The following FGF1 variants were observed in gnomAD, a reference collection of about 807,000 sequenced individuals.
FGF1 encodes the protein fibroblast growth factor 1.
FGF1 carries 9 observed loss-of-function variants against 13.4 expected under a neutral mutation model. That is an observed-to-expected ratio of 0.67 (90% CI 0.40 to 1.17). The LOEUF is 1.17. Among genes scored for constraint, FGF1 ranks in the 50% most tolerant of loss-of-function variants. The pLI is 0.01. For missense variants in FGF1, 156 were observed against 192.7 expected, an observed-to-expected ratio of 0.81 and a Z score of 1.13; for synonymous variants, 93 against 79.0, an observed-to-expected ratio of 1.18 and a Z score of -0.94.
At chr5:142,693,243 G>C (rs1021561024) in intron 2 of FGF1, among the ~76,000 whole-genome samples, 1 of 151,732 alleles carries the variant, frequency 6.6e-6, no homozygotes, top group Non-Finnish European at 1.5e-5. Context: ...CCTGTCGCGG[G>C]GTTAATTATT....
chr5:142,683,253 C>CAGG (rs1774049656), intron 1 of FGF1, among the ~76,000 whole-genome samples: 1 of 152,144 alleles, frequency 6.6e-6, no homozygotes, highest in South Asian at 2.1e-4. Context: ...ATACCTAACC[C>CAGG]CTGGGAGCTA....
At chr5:142,657,653 T>TGCTGCTG (rs1281378365) in intron 1 of FGF1, among the ~76,000 whole-genome samples, 1 of 152,270 alleles carries the variant, frequency 6.6e-6, no homozygotes, top group Non-Finnish European at 1.5e-5. Context: ...ACACTCGCCA[T>TGCTGCTG]GCTGCTGGCT....
At chr5:142,654,529 T>A (rs1042878116) in intron 1 of FGF1, among the ~76,000 whole-genome samples, 1 of 152,262 alleles carries the variant, frequency 6.6e-6, no homozygotes, top group Non-Finnish European at 1.5e-5. Context: ...GAAGAAAGGA[T>A]GTCTGCCCCT....
chr5:142,605,482 A>G (rs750264163), intron 2 of FGF1, among the ~76,000 whole-genome samples: 3 of 152,118 alleles, frequency 2.0e-5, no homozygotes, highest in Non-Finnish European at 2.9e-5. Context: ...GCTGCCTTCA[A>G]TAGCACCCAC....
At chr5:142,614,296 G>A (rs1477446557) in intron 1 of FGF1, 135 bp from the exon 2 acceptor site, 14 of 661,236 alleles carry the variant, frequency 2.1e-5, no homozygotes, top group East Asian at 1.1e-4. Context: ...GGTGATGCCC[G>A]CAGTCCGCGG....
chr5:142,663,988 A>G (rs774920717), intron 1 of FGF1, among the ~76,000 whole-genome samples: 3 of 152,084 alleles, frequency 2.0e-5, no homozygotes, highest in Non-Finnish European at 4.4e-5. Context: ...TGGGCCCAAG[A>G]AAGAGCCTAT....
chr5:142,640,909 C>G (rs1377123048), intron 1 of FGF1, among the ~76,000 whole-genome samples: 2 of 151,990 alleles, frequency 1.3e-5, no homozygotes, highest in Non-Finnish European at 1.5e-5. Flanking sequence ...TGTGCACTCC[C>G]TTCCCCCACA....
intron 1 of FGF1, among the ~76,000 whole-genome samples, chr5:142,683,276 A>T (rs1206259369): frequency 6.6e-6 from 1 of 152,172 alleles, no homozygotes; most frequent in African/African-American, 2.4e-5. Flanking sequence ...ATACAGGCTG[A>T]CAGTGTCAGA....
rs1213789016 is a variant in FGF1, at chr5:142,617,375, A to AG, written c.-34-3215dup. ...GCGAGACTCTGTCTCAAAAAAAAAA[A>AG]GAATGGCTTTTCTTCTAGATTCTAG... On this transcript the variant is annotated intron_variant, in intron 1 of 3. Coordinates refer to ENST00000337706, the MANE Select transcript of FGF1 (RefSeq NM_000800.5). Among the ~76,000 whole-genome samples the AG allele has an allele frequency of 2.0e-5, 3 of 152,068 alleles. No individual in the cohort carries two copies. The East Asian group carries it at 5.8e-4, about 29-fold the overall frequency.
upstream of FGF1, among the ~76,000 whole-genome samples, chr5:142,689,731 G>T (rs755509810): frequency 2.1e-4 from 26 of 125,964 alleles, no homozygotes; most frequent in Non-Finnish European, 1.9e-4. Context: ...CAAGAGTCTC[G>T]CTCTGTCGCC....
intron 1 of FGF1, among the ~76,000 whole-genome samples, chr5:142,636,870 A>G (rs1431828859): frequency 1.3e-5 from 2 of 152,058 alleles, no homozygotes; most frequent in African/African-American, 4.8e-5. Flanking sequence ...CAGGCTACAC[A>G]GGGTCCTGTA....
At chr5:142,684,069 C>T (rs905000440) in intron 1 of FGF1, among the ~76,000 whole-genome samples, 14 of 152,112 alleles carry the variant, frequency 9.2e-5, no homozygotes, top group Non-Finnish European at 2.9e-5. Flanking sequence ...GCGGACTCGC[C>T]CTGACTTCTT....
chr5:142,644,894 G>A (rs552802012), intron 1 of FGF1, among the ~76,000 whole-genome samples: 114 of 152,262 alleles, frequency 7.5e-4, no homozygotes, highest in South Asian at 1.7e-3. Flanking sequence ...AAACAAGCAC[G>A]GTAGCTCCAC....
In FGF1 at chr5:142,657,673, G is replaced by A. The variant is rs115265895; in HGVS notation, c.-35+28284C>T. ...CGCCATGCTGCTGGCTGCTGGCTGC[G>A]GCTGCGGCCGAGTGTCTGCCCAAGA... is the stretch of plus-strand genomic sequence containing the variant. On this transcript the variant is annotated intron_variant, in intron 1 of 3. Transcript: ENST00000337706. Among the ~76,000 whole-genome samples the A allele has an allele frequency of 7.5e-3, 1,144 of 152,364 alleles. 14 individuals carry two copies. The highest frequency in any genetic ancestry group is 0.025 in the African/African-American group (1,058 of 41,590).
intron 1 of FGF1, among the ~76,000 whole-genome samples, chr5:142,621,572 C>T (rs1177069813): frequency 6.6e-6 from 1 of 151,954 alleles, no homozygotes; most frequent in Non-Finnish European, 1.5e-5. Context: ...GGGTTCATTC[C>T]CCTGTGCTCT....
intron 1 of FGF1, among the ~76,000 whole-genome samples, chr5:142,643,116 C>T (rs1385741932): frequency 3.9e-5 from 6 of 152,276 alleles, no homozygotes; most frequent in African/African-American, 1.4e-4. Flanking sequence ...GCTTCTGCCT[C>T]CTCATTTGAA....
At chr5:142,663,924 T>C (rs1769787730) in intron 1 of FGF1, among the ~76,000 whole-genome samples, 1 of 152,104 alleles carries the variant, frequency 6.6e-6, no homozygotes, top group African/African-American at 2.4e-5. Context: ...GCGTCAGGGA[T>C]GATGCTTCCA....
chr5:142,629,818 A>G (rs1390919265), intron 1 of FGF1, among the ~76,000 whole-genome samples: 2 of 148,580 alleles, frequency 1.3e-5, no homozygotes, highest in African/African-American at 4.9e-5. Context: ...ATATTTTTGC[A>G]TTAAATTGGA....
intron 1 of FGF1, among the ~76,000 whole-genome samples, chr5:142,651,125 G>A (rs569005085): frequency 2.0e-5 from 3 of 151,948 alleles, no homozygotes; most frequent in Non-Finnish European, 4.4e-5. Context: ...CCTGAGTACC[G>A]AGAAGGGTGC....
Sources: allele counts gnomAD v4.1 joint callset (sites outside exome capture counted in the v4.1 genomes callset), GRCh38; gene constraint gnomAD v4.1.1; transcripts MANE v1.5; gene names NCBI Gene and HGNC (gene_info 2026-07-23, HGNC 2026-07-21).